The following TRIOBP variants were observed in gnomAD, a reference collection of about 807,000 sequenced individuals.
TRIOBP encodes the protein TRIO and F-actin binding protein.
TRIOBP carries 169 observed loss-of-function variants against 238.8 expected under a neutral mutation model. The ratio of observed to expected loss-of-function variants is 0.71; its 90% CI spans 0.62 to 0.80. The LOEUF (loss-of-function observed/expected upper bound fraction) is 0.80. TRIOBP is among the 30% of genes least tolerant of loss of function. The pLI is 0.00. For missense variants in TRIOBP, 2,838 were observed against 3,122.6 expected, an observed-to-expected ratio of 0.91 and a Z score of 2.17; for synonymous variants, 1,150 against 1,274.4, an observed-to-expected ratio of 0.90 and a Z score of 2.08.
Position 37,700,662 on chromosome 22 carries a change from G to A in TRIOBP, c.-60-644G>A, listed in dbSNP as rs560086668. ...AACTCTTGGGCTCAAATGATCCGCC[G>A]CCCGCAATGGGCCCAGCTGGAATCT... is the stretch of plus-strand genomic sequence containing the variant. On this transcript the variant is annotated intron_variant, in intron 2 of 23. Transcript: ENST00000644935. Among the ~76,000 whole-genome samples, 9 of 151,790 alleles carry A rather than the reference G, an allele frequency of 5.9e-5. No individual in the cohort carries two copies. In the South Asian group the frequency reaches 1.0e-3, roughly 18 times the overall value.
rs1163073003 is a variant in TRIOBP at position 37,740,931 on chromosome 22, C to T, written c.5221C>T (p.Pro1741Ser). ...GCCAGCAGAGGGCAAGGCTGGGAGC[C>T]CGCTCAAGGGCCGACTGGTGACCTC... ...KRPAEGKAGS[P>S]LKGRLVTSWR... Residue 1741 changes from proline to serine, a missense_variant, in exon 11 of 24, where the codon CCG (proline) becomes TCG (serine). Transcript: ENST00000644935. 3 of 1,572,212 alleles carry T rather than the reference C, an allele frequency of 1.9e-6. No homozygotes were observed. Among genetic ancestry groups the T allele is most frequent in the Non-Finnish European group, 2.6e-6 (3 of 1,158,600 alleles).
At chr22:37,739,423 T>C (rs572867506) in intron 10 of TRIOBP, among the ~76,000 whole-genome samples, 10 of 69,324 alleles carry the variant, frequency 1.4e-4, no homozygotes, top group South Asian at 6.7e-4. Flanking sequence ...GGAGCGTCCA[T>C]TGGGCAGCAT....
chr22:37,772,717 C>A lies in TRIOBP; in HGVS notation c.7053C>A (p.Ala2351=). The part of the protein sequence containing the change: ...QLKEHLRLAM[A]ALQEKESMRN... ...AGGAGCACCTGCGTCTTGCCATGGCCGCCCTCCAGGAGAAGGAGTCGATGC... is the reference window on the plus strand; with the variant it reads ...AGGAGCACCTGCGTCTTGCCATGGCAGCCCTCCAGGAGAAGGAGTCGATGC... The change falls in exon 23 of 24, where the codon GCC becomes GCA. Residue 2351 remains alanine (A), a synonymous_variant. Transcript: ENST00000644935. The A allele has an allele frequency of 6.2e-7, 1 of 1,614,002 alleles. No homozygotes were observed. Among genetic ancestry groups the A allele is most frequent in the African/African-American group, 1.3e-5 (1 of 75,034 alleles).
chr22:37,748,688 G>A (rs139427797), intron 11 of TRIOBP, among the ~76,000 whole-genome samples: 2 of 152,274 alleles, frequency 1.3e-5, no homozygotes, highest in African/African-American at 4.8e-5. Context: ...AATCTAGCCT[G>A]TGAAGGATAA....
In TRIOBP at chr22:37,729,935, T is replaced by A. The variant is rs1924345217; in HGVS notation, c.3948-3363T>A. Among the ~76,000 whole-genome samples the A allele has an allele frequency of 2.0e-5, 3 of 152,312 alleles. No homozygotes were observed. In the South Asian group the frequency reaches 6.2e-4, roughly 32 times the overall value. ...GAGTGTGCTTTTATTTTCTCCTATT[T>A]CCTCATCGATATGTATTTATTGAGC... On this transcript the variant is annotated intron_variant, in intron 7 of 23. Transcript: ENST00000644935.
At position 37,740,770 on chromosome 22, in the gene TRIOBP, AGAAAGATGGGAACCCT is replaced by A. The variant is rs926780387; in HGVS notation, c.5185-123_5185-108del. ...CTCGTCTCGGCAGTTCTGGGAGGAG[AGAAAGATGGGAACCCT>A]GGGGCTCCATGGTGGGGGGCACCAC... On this transcript the variant is annotated intron_variant, in intron 10 of 23. Coordinates refer to ENST00000644935, the MANE Select transcript of TRIOBP (RefSeq NM_001039141.3). 23 of 1,396,648 alleles carry A rather than the reference AGAAAGATGGGAACCCT, an allele frequency of 1.6e-5. No individual in the cohort carries two copies. In the African/African-American group the frequency reaches 3.0e-4, roughly 18 times the overall value. 86.5% of individuals were successfully genotyped at this position (1,396,648 alleles called of 1,614,324 possible). A position where few individuals can be genotyped will look rare whatever the true frequency, so the allele number is the denominator to read the frequency against.
intron 3 of TRIOBP, among the ~76,000 whole-genome samples, chr22:37,709,521 G>C (rs1356541596): frequency 2.0e-5 from 3 of 152,218 alleles, no homozygotes; most frequent in Non-Finnish European, 2.9e-5. Context: ...GCCTGAGCCG[G>C]AGCCCCCCGG....
At position 37,769,067 on chromosome 22, in the gene TRIOBP, A is replaced by G. The variant is rs1330085198; in HGVS notation, c.6615A>G (p.Leu2205=). 7 of 1,613,470 alleles carry G rather than the reference A, an allele frequency of 4.3e-6. No individual in the cohort carries two copies. The highest frequency in any genetic ancestry group is 2.7e-5 in the African/African-American group (2 of 74,946). The change falls in exon 20 of 24, where the codon CTA becomes CTG. Residue 2205 remains leucine (L), a synonymous_variant. Coordinates refer to ENST00000644935, the MANE Select transcript of TRIOBP (RefSeq NM_001039141.3). ...CACTGAAGCGAGAGCTGCAGGTGCT[A>G]TCGGAGCAGTACTCGCAGAAGTGCC... The part of the protein sequence containing the change: ...VEALKRELQV[L]SEQYSQKCLE...
intron 16 of TRIOBP, among the ~76,000 whole-genome samples, chr22:37,758,738 C>T (rs529738005): frequency 1.5e-4 from 23 of 151,808 alleles, no homozygotes; most frequent in African/African-American, 3.9e-4. Flanking sequence ...ATCTTCTGCC[C>T]GTGGCCTCCC....
intron 7 of TRIOBP, among the ~76,000 whole-genome samples, chr22:37,727,396 C>T (rs886135050): frequency 1.3e-5 from 2 of 151,348 alleles, no homozygotes; most frequent in African/African-American, 4.9e-5. Flanking sequence ...GGGCCGGGCA[C>T]GGTGGCTCAT....
chr22:37,720,078 C>G (rs1262711625), intron 6 of TRIOBP, among the ~76,000 whole-genome samples: 2 of 133,340 alleles, frequency 1.5e-5, no homozygotes, highest in African/African-American at 5.6e-5. Flanking sequence ...GGCGCAGTCT[C>G]GGCTCACTGC....
At chr22:37,700,266 A>T (rs1431341700) in intron 2 of TRIOBP, among the ~76,000 whole-genome samples, 1 of 134,526 alleles carries the variant, frequency 7.4e-6, no homozygotes, top group Admixed American at 7.8e-5. Flanking sequence ...GGGAATCTAG[A>T]TTTTTTTTTT....
At position 37,707,421 on chromosome 22, in the gene TRIOBP, G is replaced by GT. The variant is rs1251105033; in HGVS notation, c.115-2998dup. On this transcript the variant is annotated intron_variant, in intron 3 of 23. Transcript: ENST00000644935. Reference sequence around the variant, plus strand: ...GGTCAGGCATTGAAGGAATGGGTGGGTTTTTTTTCCATCACCCTCAGATGC... The same window carrying GT: ...GGTCAGGCATTGAAGGAATGGGTGGGTTTTTTTTTCCATCACCCTCAGATGC... 5.9e-5 allele frequency among the ~76,000 whole-genome samples: 9 copies of GT among 152,026 alleles called. No homozygotes were observed. In the South Asian group the frequency reaches 1.7e-3, roughly 28 times the overall value.
At chr22:37,750,191 A>G (rs1925509209) in intron 11 of TRIOBP, among the ~76,000 whole-genome samples, 1 of 152,110 alleles carries the variant, frequency 6.6e-6, no homozygotes. Context: ...CAGTGACTCC[A>G]CTTCCCAGGC....
intron 3 of TRIOBP, among the ~76,000 whole-genome samples, chr22:37,705,644 C>T (rs1342561778): frequency 7.3e-5 from 11 of 151,688 alleles, no homozygotes; most frequent in African/African-American, 1.7e-4. Flanking sequence ...GGCGTGATCT[C>T]GGCTCACTGC....
At chr22:37,765,904 A>G in intron 18 of TRIOBP, 87 bp downstream of exon 18, 1 of 1,474,116 alleles carries the variant, frequency 6.8e-7, no homozygotes, top group South Asian at 1.3e-5. Flanking sequence ...GGATTTTATC[A>G]AATAAGATGT....
At position 37,772,589 on chromosome 22, in the gene TRIOBP, C is replaced by G; in HGVS notation, c.6937-12C>G. The G allele has an allele frequency of 6.2e-7, 1 of 1,614,044 alleles. No individual in the cohort carries two copies. Among genetic ancestry groups the G allele is most frequent in the Admixed American group, 1.7e-5 (1 of 60,032 alleles). On this transcript the variant is annotated splice_polypyrimidine_tract_variant and intron_variant, in intron 22 of 23. Coordinates refer to ENST00000644935, the MANE Select transcript of TRIOBP (RefSeq NM_001039141.3). ...AGACTTCATGCCCTCATACCTGCCT[C>G]CTGCCCCCCAGGACAAGCGCTTCAC...
At chr22:37,763,368 C>T (rs1322012541) in intron 17 of TRIOBP, among the ~76,000 whole-genome samples, 1 of 152,182 alleles carries the variant, frequency 6.6e-6, no homozygotes, top group Non-Finnish European at 1.5e-5. Flanking sequence ...AAGTCATGTT[C>T]TGTTGTCCTA....
chr22:37,759,680 C>T lies in TRIOBP; in HGVS notation c.6324+416C>T, dbSNP rs1250245240. On this transcript the variant is annotated intron_variant, in intron 17 of 23. Coordinates refer to ENST00000644935, the MANE Select transcript of TRIOBP (RefSeq NM_001039141.3). ...TGCCGAGGCCCACTGGGCCAAGGCCCCACACAAGGAGGTCTGCAGGACAGG... is the reference window on the plus strand; with the variant it reads ...TGCCGAGGCCCACTGGGCCAAGGCCTCACACAAGGAGGTCTGCAGGACAGG... The T allele has an allele frequency of 5.9e-6, 9 of 1,519,422 alleles. No homozygotes were observed. The East Asian group carries it at 2.0e-4, about 33-fold the overall frequency. The allele number at this position is 1,519,422 out of a possible 1,614,324, so 94.1% of individuals were successfully genotyped here. A position where few individuals can be genotyped will look rare whatever the true frequency, so the allele number is the denominator to read the frequency against.
Sources: allele counts gnomAD v4.1 joint callset (sites outside exome capture counted in the v4.1 genomes callset), GRCh38; gene constraint gnomAD v4.1.1; transcripts MANE v1.5; gene names NCBI Gene and HGNC (gene_info 2026-07-23, HGNC 2026-07-21).